The following GALNT10 variants were observed in gnomAD, a reference collection of about 807,000 sequenced individuals.
The protein encoded by GALNT10 is GalNAc transferase 10.
GALNT10 carries 41 observed loss-of-function variants against 75.0 expected under a neutral mutation model. That is an observed-to-expected ratio of 0.55 (90% CI 0.43 to 0.71). The LOEUF is 0.71. GALNT10 is among the 30% of genes least tolerant of loss of function. GALNT10 has a pLI of 0.00. For missense variants in GALNT10, 727 were observed against 818.5 expected (o/e 0.89, Z 1.36); for synonymous variants, 302 against 313.0 (o/e 0.96, Z 0.37).
chr5:154,399,890 C>G (rs535794262), intron 7 of GALNT10, among the ~76,000 whole-genome samples: 124 of 152,222 alleles, frequency 8.1e-4, no homozygotes, highest in African/African-American at 2.8e-3. Flanking sequence ...TGCCTGTATT[C>G]CTAGCACTTT....
At chr5:154,327,218 A>AAAAAC (rs1554098871) in intron 3 of GALNT10, among the ~76,000 whole-genome samples, 1 of 151,464 alleles carries the variant, frequency 6.6e-6, no homozygotes, top group Non-Finnish European at 1.5e-5. Flanking sequence ...CCTGTCTCAA[A>AAAAAC]AAAATAAAAA....
chr5:154,274,118 C>G (rs549940690), intron 1 of GALNT10, among the ~76,000 whole-genome samples: 167 of 152,300 alleles, frequency 1.1e-3, no homozygotes, highest in African/African-American at 3.9e-3. Flanking sequence ...CACTCTGGCC[C>G]TTTGGAGAGT....
intron 1 of GALNT10, among the ~76,000 whole-genome samples, chr5:154,241,455 G>A (rs6865148): frequency 0.18 from 26,942 of 151,990 alleles, 2,537 homozygotes; most frequent in African/African-American, 0.21. Context: ...TAGTTGCATT[G>A]CATATATCTG....
At chr5:154,235,707 T>TG (rs1272463916) in intron 1 of GALNT10, among the ~76,000 whole-genome samples, 2 of 152,188 alleles carry the variant, frequency 1.3e-5, no homozygotes, top group African/African-American at 4.8e-5. Flanking sequence ...AAAGGAGGCA[T>TG]GAGAGGATTA....
chr5:154,224,829 A>AGAGT (rs1305852352), intron 1 of GALNT10, among the ~76,000 whole-genome samples: 1 of 125,060 alleles, frequency 8.0e-6, no homozygotes, highest in African/African-American at 3.1e-5. Context: ...CTCCCAGGTT[A>AGAGT]GAGTGCAGTG....
intron 1 of GALNT10, among the ~76,000 whole-genome samples, chr5:154,236,292 GAT>G (rs1388181362): frequency 5.3e-5 from 8 of 152,218 alleles, no homozygotes; most frequent in Non-Finnish European, 5.9e-5. Context: ...AATTCCGTGA[GAT>G]AATCCATGTA....
intron 1 of GALNT10, among the ~76,000 whole-genome samples, chr5:154,281,526 G>T (rs1395073196): frequency 6.6e-6 from 1 of 152,034 alleles, no homozygotes; most frequent in Middle Eastern, 3.2e-3. Flanking sequence ...TCAAATAATG[G>T]AGACCTGGAA....
At chr5:154,258,565 A>T (rs1194493985) in intron 1 of GALNT10, among the ~76,000 whole-genome samples, 2 of 152,192 alleles carry the variant, frequency 1.3e-5, no homozygotes, top group Non-Finnish European at 2.9e-5. Flanking sequence ...AGATAAATGG[A>T]GTATCCACTG....
At position 154,417,049 on chromosome 5, in the gene GALNT10, C is replaced by T; in HGVS notation, c.*77C>T. 3.1e-5 allele frequency: 41 copies of T among 1,335,180 alleles called. No homozygotes were observed. Among genetic ancestry groups the T allele is most frequent in the Non-Finnish European group, 4.4e-5 (41 of 940,516 alleles). 82.7% of individuals were successfully genotyped at this position (1,335,180 alleles called of 1,614,324 possible). On this transcript the variant is annotated 3_prime_UTR_variant, in exon 12 of 12. Transcript: ENST00000297107. ...TTCCTCTTTCAAGGGAGGCAGGGCC[C>T]CTGTGGGCACTAGGTGTAAAAGGTG...
rs1033765614 is a variant in GALNT10 at position 154,269,504 on chromosome 5, C to A, written c.160-25312C>A. Among the ~76,000 whole-genome samples, 25 of 152,198 alleles carry A rather than the reference C, an allele frequency of 1.6e-4. 1 individual carries two copies. The highest frequency in any genetic ancestry group is 6.5e-5 in the Admixed American group (1 of 15,282). On this transcript the variant is annotated intron_variant, in intron 1 of 11. Transcript: ENST00000297107. ...TGTGGTATCAGAAGGACACTAAAAGCAGCCTGGCTCAATATATCTATAAAT... is the reference window on the plus strand; with the variant it reads ...TGTGGTATCAGAAGGACACTAAAAGAAGCCTGGCTCAATATATCTATAAAT...
intron 6 of GALNT10, among the ~76,000 whole-genome samples, chr5:154,382,839 G>T (rs987399660): frequency 3.9e-5 from 6 of 152,238 alleles, no homozygotes. Flanking sequence ...GAAAGGCTAA[G>T]ACCAGGTCAT....
chr5:154,379,355 G>A (rs908314748), intron 5 of GALNT10, among the ~76,000 whole-genome samples: 6 of 152,294 alleles, frequency 3.9e-5, no homozygotes, highest in South Asian at 2.1e-4. Flanking sequence ...CCTATGGACC[G>A]TGCCTTGCAG....
In GALNT10 at chr5:154,294,813, A is replaced by C. The variant is rs762059824; in HGVS notation, c.160-3A>C. On this transcript the variant is annotated splice_polypyrimidine_tract_variant and splice_region_variant and intron_variant, in intron 1 of 11. Coordinates refer to ENST00000297107, the MANE Select transcript of GALNT10 (RefSeq NM_198321.4). ...TTTTTCATAGTTTTTGTCTTTTTTT[A>C]AGGGCTCACACAGTCGACAAAAGAA... The C allele has an allele frequency of 6.6e-7, 1 of 1,517,918 alleles. No homozygotes were observed. The highest frequency in any genetic ancestry group is 1.4e-5 in the African/African-American group (1 of 72,916). 94.0% of individuals were successfully genotyped at this position (1,517,918 alleles called of 1,614,324 possible). A position where few individuals can be genotyped will look rare whatever the true frequency, so the allele number is the denominator to read the frequency against.
At chr5:154,404,279 C>T (rs1756227954) in intron 8 of GALNT10, 68 bp downstream of exon 8, 1 of 807,290 alleles carries the variant, frequency 1.2e-6, no homozygotes. Flanking sequence ...ACTGAGGCAC[C>T]CTGGGGCCCT....
In GALNT10 at chr5:154,409,958, A is replaced by T. The variant is rs1300855682; in HGVS notation, c.1386+196A>T. On this transcript the variant is annotated intron_variant, in intron 9 of 11. Transcript: ENST00000297107. The surrounding 1 kb of genome is among the most constrained non-coding windows in gnomAD (Gnocchi z 4.5). ...TGTTAGTTAGTGTTCTCAGTGTAGA[A>T]AAATTAAAACTTTAAGTTATTAGCA... Among the ~76,000 whole-genome samples, 1 of 152,226 alleles carries T rather than the reference A, an allele frequency of 6.6e-6. No individual in the cohort carries two copies. Among genetic ancestry groups the T allele is most frequent in the African/African-American group, 2.4e-5 (1 of 41,452 alleles).
chr5:154,210,289 T>C (rs1775174603), intron 1 of GALNT10, among the ~76,000 whole-genome samples: 1 of 152,144 alleles, frequency 6.6e-6, no homozygotes, highest in African/African-American at 2.4e-5. Context: ...TTGGCACATG[T>C]CACTCTCATT....
chr5:154,334,350 G>A (rs1206454607), intron 4 of GALNT10, among the ~76,000 whole-genome samples: 1 of 152,244 alleles, frequency 6.6e-6, no homozygotes, highest in African/African-American at 2.4e-5. Flanking sequence ...TTTGCCAGGG[G>A]TCTCCACAAG....
At chr5:154,341,802 A>C (rs1372246985) in intron 4 of GALNT10, among the ~76,000 whole-genome samples, 1 of 152,206 alleles carries the variant, frequency 6.6e-6, no homozygotes, top group Non-Finnish European at 1.5e-5. Flanking sequence ...TAGTAGACAC[A>C]AACCCCTGTG....
intron 1 of GALNT10, among the ~76,000 whole-genome samples, chr5:154,196,682 G>A (rs1774950305): frequency 6.6e-6 from 1 of 152,194 alleles, no homozygotes; most frequent in South Asian, 2.1e-4. Flanking sequence ...AAAAGACAGA[G>A]AACATCTTTT....
Sources: allele counts gnomAD v4.1 joint callset (sites outside exome capture counted in the v4.1 genomes callset), GRCh38; gene constraint gnomAD v4.1.1; non-coding constraint Gnocchi (gnomAD v3.1); transcripts MANE v1.5; gene names NCBI Gene and HGNC (gene_info 2026-07-23, HGNC 2026-07-21).